CATSPERD: variants seen among roughly 807,000 people sequenced by gnomAD.
CATSPERD encodes the protein cation channel sperm-associated auxiliary subunit delta.
In CATSPERD, 86 loss-of-function variants were observed where a neutral mutation model predicts 98.1. The observed-to-expected ratio is 0.88, with a 90% CI of 0.74 to 1.05. The LOEUF (loss-of-function observed/expected upper bound fraction) is 1.05, where lower values mean the gene tolerates loss of function less well. Among genes scored for constraint, CATSPERD ranks in the 50% least tolerant of loss-of-function variants. The pLI, the probability that CATSPERD is intolerant of heterozygous loss-of-function variation, is 0.00. For synonymous variants in CATSPERD, 394 were observed against 390.2 expected (o/e 1.01, Z -0.12); for missense variants, 995 against 1,005.7 (o/e 0.99, Z 0.14).
chr19:5,752,141 T>C (rs1017761496), intron 12 of CATSPERD, among the ~76,000 whole-genome samples: 3 of 152,026 alleles, frequency 2.0e-5, no homozygotes, highest in African/African-American at 7.2e-5. Flanking sequence ...ACACCCCATC[T>C]CTACTAAAAA....
chr19:5,773,778 T>C (rs1034521865), intron 20 of CATSPERD, among the ~76,000 whole-genome samples: 1 of 150,222 alleles, frequency 6.7e-6, no homozygotes, highest in Admixed American at 6.7e-5. Flanking sequence ...GATCCTCCCA[T>C]GGATTATAGG....
chr19:5,724,212 C>T (rs560080354), intron 1 of CATSPERD, among the ~76,000 whole-genome samples: 163 of 152,048 alleles, frequency 1.1e-3, no homozygotes, highest in Middle Eastern at 3.4e-3. Context: ...AGGTGTGAGC[C>T]ACCGCACCTG....
At chr19:5,758,804 G>A (rs1281510250) in intron 14 of CATSPERD, among the ~76,000 whole-genome samples, 1 of 150,956 alleles carries the variant, frequency 6.6e-6, no homozygotes, top group African/African-American at 2.4e-5. Flanking sequence ...CTCACCTGTA[G>A]TTCCAGCTAC....
At chr19:5,738,332 C>G (rs562701159) in intron 6 of CATSPERD, among the ~76,000 whole-genome samples, 3 of 144,564 alleles carry the variant, frequency 2.1e-5, no homozygotes, top group Non-Finnish European at 4.5e-5. Flanking sequence ...CATGGTGAGA[C>G]CTTGTCTCTA....
intron 3 of CATSPERD, among the ~76,000 whole-genome samples, chr19:5,728,703 CTCT>C (rs2055657635): frequency 2.2e-5 from 3 of 134,474 alleles, no homozygotes; most frequent in East Asian, 2.0e-4. Context: ...CTCTCTCTCT[CTCT>C]TTTTTTTTTT....
chr19:5,747,001 C>T (rs1288133485), intron 9 of CATSPERD, among the ~76,000 whole-genome samples: 1 of 151,456 alleles, frequency 6.6e-6, no homozygotes, highest in Non-Finnish European at 1.5e-5. Context: ...TGCCACCATG[C>T]CTGGCTGATT....
intron 7 of CATSPERD, among the ~76,000 whole-genome samples, chr19:5,741,174 G>C (rs2055956420): frequency 6.6e-6 from 1 of 152,104 alleles, no homozygotes; most frequent in South Asian, 2.1e-4. Context: ...CTGAAGATTG[G>C]TACTATCAGG....
At chr19:5,764,339 G>A (rs1341433193) in intron 16 of CATSPERD, among the ~76,000 whole-genome samples, 9 of 151,180 alleles carry the variant, frequency 6.0e-5, no homozygotes, top group East Asian at 1.9e-4. Flanking sequence ...TTTTTGAGAC[G>A]GAGTCTCACT....
chr19:5,759,964 G>A (rs1378103237), intron 15 of CATSPERD, among the ~76,000 whole-genome samples: 1 of 143,792 alleles, frequency 7.0e-6, no homozygotes, highest in Non-Finnish European at 1.5e-5. Context: ...GTAATCCCAG[G>A]TATTCAGGAG....
intron 7 of CATSPERD, among the ~76,000 whole-genome samples, chr19:5,742,283 TGTGTGC>T (rs1289236156): frequency 1.6e-5 from 2 of 125,900 alleles, no homozygotes; most frequent in Non-Finnish European, 3.5e-5. Flanking sequence ...TGTGTACGTG[TGTGTGC>T]GTGTGTACGT....
At chr19:5,777,839 C>T (rs964109245) in intron 21 of CATSPERD, among the ~76,000 whole-genome samples, 4 of 151,976 alleles carry the variant, frequency 2.6e-5, no homozygotes, top group Non-Finnish European at 5.9e-5. Context: ...TGCACCACTG[C>T]ACTCCAGCCT....
intron 15 of CATSPERD, among the ~76,000 whole-genome samples, chr19:5,762,858 G>A (rs11670413): frequency 1.3e-5 from 2 of 150,642 alleles, no homozygotes; most frequent in African/African-American, 4.9e-5. Context: ...ATGGATGGAT[G>A]GATAGGTGGA....
chr19:5,770,835 A>C, intron 18 of CATSPERD, 109 bp from the exon 19 acceptor site: 1 of 1,298,678 alleles, frequency 7.7e-7, no homozygotes, highest in Non-Finnish European at 1.1e-6. Context: ...ACCTCCTGCC[A>C]CTCTCATGGA....
chr19:5,767,580 C>CCTCCG (rs1403076202), intron 17 of CATSPERD, among the ~76,000 whole-genome samples: 11 of 151,244 alleles, frequency 7.3e-5, no homozygotes, highest in Admixed American at 2.6e-4. Context: ...CTCCGCCTCC[C>CCTCCG]TGGTTCATGC....
At chr19:5,767,272 G>A (rs1318093773) in intron 17 of CATSPERD, among the ~76,000 whole-genome samples, 13 of 131,704 alleles carry the variant, frequency 9.9e-5, no homozygotes, top group South Asian at 5.3e-4. Flanking sequence ...AGCCGAGATC[G>A]TGCCACTGCA....
rs546078997 is a variant in CATSPERD at position 5,738,586 on chromosome 19, G to A, written c.460-740G>A. Reference sequence around the variant, plus strand: ...ATTACTAATAGCCTACTGTTGCCTGGAAGCCTCACTAATAACATAAACAGT... The same window carrying A: ...ATTACTAATAGCCTACTGTTGCCTGAAAGCCTCACTAATAACATAAACAGT... On this transcript the variant is annotated intron_variant, in intron 6 of 21. Transcript: ENST00000381624. Among the ~76,000 whole-genome samples, 4 of 152,118 alleles carry A rather than the reference G, an allele frequency of 2.6e-5. No individual in the cohort carries two copies. The South Asian group carries it at 8.3e-4, about 32-fold the overall frequency.
intron 21 of CATSPERD, among the ~76,000 whole-genome samples, chr19:5,777,528 G>A (rs919006307): frequency 5.3e-5 from 8 of 152,188 alleles, no homozygotes; most frequent in African/African-American, 1.9e-4. Flanking sequence ...TGGGCATTGG[G>A]GGAGAATAGG....
At chr19:5,757,485 T>TGG (rs1015402177) in intron 13 of CATSPERD, among the ~76,000 whole-genome samples, 6 of 151,398 alleles carry the variant, frequency 4.0e-5, no homozygotes, top group Non-Finnish European at 7.4e-5. Context: ...TTAGTAGAGA[T>TGG]GGGGTTTCTC....
chr19:5,747,610 C>CTTTTTT (rs10603074), intron 9 of CATSPERD, among the ~76,000 whole-genome samples: 11 of 87,632 alleles, frequency 1.3e-4, no homozygotes, highest in South Asian at 3.7e-4. Context: ...TTTTTCTTTT[C>CTTTTTT]TTTTTTTTTT....
Sources: allele counts gnomAD v4.1 joint callset (sites outside exome capture counted in the v4.1 genomes callset), GRCh38; gene constraint gnomAD v4.1.1; transcripts MANE v1.5; gene names NCBI Gene and HGNC (gene_info 2026-07-23, HGNC 2026-07-21).